SLC35F1: variants seen among roughly 807,000 people sequenced by gnomAD.
SLC35F1 encodes chromosome 6 open reading frame 169.
In SLC35F1, 14 loss-of-function variants were observed where a neutral mutation model predicts 48.7. The ratio of observed to expected loss-of-function variants is 0.29; its 90% confidence interval spans 0.19 to 0.45. SLC35F1 has a LOEUF of 0.45. Ranked by LOEUF, SLC35F1 falls within the 20% of genes least tolerant of loss-of-function variation. The pLI, the probability that SLC35F1 is intolerant of heterozygous loss-of-function variation, is 1.00. For synonymous variants in SLC35F1, 190 were observed against 202.2 expected, an observed-to-expected ratio of 0.94 and a Z score of 0.51; for missense variants, 404 against 500.0, an observed-to-expected ratio of 0.81 and a Z score of 1.83.
intron 2 of SLC35F1, among the ~76,000 whole-genome samples, chr6:118,196,332 G>A (rs1026216312): frequency 3.3e-5 from 5 of 152,126 alleles, no homozygotes; most frequent in African/African-American, 9.7e-5. Flanking sequence ...GAATATAGAC[G>A]TACAGTGTCC....
chr6:118,102,198 T>C (rs900383703), intron 1 of SLC35F1, among the ~76,000 whole-genome samples: 1 of 152,186 alleles, frequency 6.6e-6, no homozygotes, highest in African/African-American at 2.4e-5. Flanking sequence ...CATTTAGTTA[T>C]TTATAGACAG....
intron 7 of SLC35F1, among the ~76,000 whole-genome samples, chr6:118,309,260 C>A (rs896494576): frequency 1.3e-5 from 2 of 151,324 alleles, no homozygotes; most frequent in Non-Finnish European, 2.9e-5. Context: ...AGTGGCAGGA[C>A]CATAGCTCAC....
Position 117,923,670 on chromosome 6 carries a change from T to TATAC in SLC35F1, c.173+15774_173+15775insCATA, listed in dbSNP as rs1562238709. ...ACATATGTACATATGTATATATACATATATGTACATATATACATATGTACA... is the reference window on the plus strand; with the variant it reads ...ACATATGTACATATGTATATATACATATACATATGTACATATATACATATGTACA... On this transcript the variant is annotated intron_variant, in intron 1 of 7. Transcript: ENST00000360388. Among the ~76,000 whole-genome samples the TATAC allele has an allele frequency of 1.6e-3, 44 of 26,814 alleles. 6 individuals are homozygous for TATAC. Among genetic ancestry groups the TATAC allele is most frequent in the African/African-American group, 3.9e-3 (18 of 4,560 alleles). The allele number at this position is 26,814 out of a possible 152,430, so 17.6% of individuals were successfully genotyped here.
chr6:118,212,712 AG>A (rs141249567), intron 2 of SLC35F1, among the ~76,000 whole-genome samples: 64 of 130,372 alleles, frequency 4.9e-4, no homozygotes, highest in African/African-American at 1.5e-3. Context: ...AAAGAAGGAA[AG>A]GAAGGAAGGA....
chr6:117,991,320 G>A (rs527661529), intron 1 of SLC35F1, among the ~76,000 whole-genome samples: 1 of 151,426 alleles, frequency 6.6e-6, no homozygotes, highest in African/African-American at 2.4e-5. Flanking sequence ...TGCTCTGCTG[G>A]TGCCCTGGCC....
At chr6:118,126,020 A>C (rs7743666) in intron 1 of SLC35F1, among the ~76,000 whole-genome samples, 51,792 of 152,010 alleles carry the variant, frequency 0.34, 9,638 homozygotes, top group Non-Finnish European at 0.43. Context: ...TGGAAGTGAC[A>C]CTGGATTAGA....
intron 2 of SLC35F1, among the ~76,000 whole-genome samples, chr6:118,230,272 G>A (rs1175113488): frequency 3.3e-5 from 5 of 151,792 alleles, no homozygotes; most frequent in Non-Finnish European, 7.4e-5. Flanking sequence ...CCCGGGAGGC[G>A]GAGGTTGCAG....
chr6:117,923,394 C>T (rs1045027689), intron 1 of SLC35F1, among the ~76,000 whole-genome samples: 5 of 151,272 alleles, frequency 3.3e-5, no homozygotes, highest in African/African-American at 1.2e-4. Flanking sequence ...ATTAGATACC[C>T]CAGTATATTG....
chr6:117,931,685 G>T (rs1582570323), intron 1 of SLC35F1, among the ~76,000 whole-genome samples: 1 of 152,170 alleles, frequency 6.6e-6, no homozygotes, highest in African/African-American at 2.4e-5. Context: ...GTGTGTCAAG[G>T]CTTCTCTGGA....
At chr6:118,113,827 G>T (rs1773441385) in intron 1 of SLC35F1, among the ~76,000 whole-genome samples, 1 of 152,102 alleles carries the variant, frequency 6.6e-6, no homozygotes, top group Non-Finnish European at 1.5e-5. Flanking sequence ...TGTCCAGTAT[G>T]GTTTAATAAT....
chr6:118,289,477 A>G (rs1487958519), intron 7 of SLC35F1, among the ~76,000 whole-genome samples: 1 of 152,214 alleles, frequency 6.6e-6, no homozygotes, highest in Non-Finnish European at 1.5e-5. Context: ...TATCCATTGT[A>G]AGAAAGTCAG....
intron 7 of SLC35F1, among the ~76,000 whole-genome samples, chr6:118,307,408 T>A (rs1412989881): frequency 6.6e-6 from 1 of 151,780 alleles, no homozygotes; most frequent in East Asian, 1.9e-4. Context: ...GAGCAAAATA[T>A]CACAATATTT....
intron 2 of SLC35F1, among the ~76,000 whole-genome samples, chr6:118,206,501 T>C (rs1258794144): frequency 6.6e-6 from 1 of 152,228 alleles, no homozygotes; most frequent in Admixed American, 6.5e-5. Flanking sequence ...AATCAGATTT[T>C]GAAGCTATGA....
At position 117,907,825 on chromosome 6, in the gene SLC35F1, C is replaced by T; in HGVS notation, c.99C>T (p.Gly33=). ...VTTIENLPAE[G]SGGGGSLSAS... Reference sequence around the variant, plus strand: ...CCATCGAGAACCTGCCGGCCGAGGGCAGCGGCGGCGGCGGGAGCCTGTCCG... The same window carrying T: ...CCATCGAGAACCTGCCGGCCGAGGGTAGCGGCGGCGGCGGGAGCCTGTCCG... Residue 33 remains glycine, a synonymous_variant, in exon 1 of 8, where the codon GGC becomes GGT. Transcript: ENST00000360388. 6.5e-7 allele frequency: 1 copy of T among 1,543,554 alleles called. No individual in the cohort carries two copies. Among genetic ancestry groups the T allele is most frequent in the Non-Finnish European group, 8.7e-7 (1 of 1,155,136 alleles).
intron 1 of SLC35F1, among the ~76,000 whole-genome samples, chr6:117,955,999 C>T (rs781583355): frequency 2.6e-5 from 4 of 152,190 alleles, no homozygotes; most frequent in Admixed American, 6.5e-5. Flanking sequence ...GGATCAATAT[C>T]GTGCTGGCTT....
At chr6:118,024,873 T>C (rs1377934116) in intron 1 of SLC35F1, among the ~76,000 whole-genome samples, 1 of 152,136 alleles carries the variant, frequency 6.6e-6, no homozygotes, top group Non-Finnish European at 1.5e-5. Flanking sequence ...CTGAAATCAA[T>C]ATGGCCAAGT....
At chr6:118,213,382 G>A (rs1280468475) in intron 2 of SLC35F1, among the ~76,000 whole-genome samples, 4 of 152,128 alleles carry the variant, frequency 2.6e-5, no homozygotes, top group East Asian at 1.9e-4. Flanking sequence ...ATGGGGAGAC[G>A]GGAACCCATA....
At chr6:118,126,117 G>A (rs925448398) in intron 1 of SLC35F1, among the ~76,000 whole-genome samples, 2 of 152,124 alleles carry the variant, frequency 1.3e-5, no homozygotes, top group Non-Finnish European at 2.9e-5. Flanking sequence ...CTTCAAAGAT[G>A]ACAGCCCCAG....
chr6:118,301,162 C>G (rs1776251541), intron 7 of SLC35F1, among the ~76,000 whole-genome samples: 1 of 152,132 alleles, frequency 6.6e-6, no homozygotes. Context: ...ACTGCAGAGC[C>G]TGGCACAGTA....
Sources: allele counts gnomAD v4.1 joint callset (sites outside exome capture counted in the v4.1 genomes callset), GRCh38; gene constraint gnomAD v4.1.1; transcripts MANE v1.5; gene names NCBI Gene and HGNC (gene_info 2026-07-23, HGNC 2026-07-21).